The following CNTN5 variants were observed in gnomAD, a reference collection of about 807,000 sequenced individuals.
CNTN5 encodes the protein contactin 5.
In CNTN5, 77 loss-of-function variants were observed where a neutral mutation model predicts 129.1. The ratio of observed to expected loss-of-function variants is 0.60; its 90% CI spans 0.50 to 0.72. The LOEUF is 0.72. Ranked by LOEUF, CNTN5 falls within the 30% of genes least tolerant of loss-of-function variation. CNTN5 has a pLI of 0.00. For synonymous variants in CNTN5, 509 were observed against 465.6 expected (o/e 1.09, Z -1.20); for missense variants, 1,478 against 1,328.8 (o/e 1.11, Z -1.75).
chr11:99,164,687 T>A (rs1860792631), intron 1 of CNTN5, among the ~76,000 whole-genome samples: 1 of 152,202 alleles, frequency 6.6e-6, no homozygotes, highest in African/African-American at 2.4e-5. Context: ...TTTTCCCTGA[T>A]AATTTTATAA....
intron 8 of CNTN5, among the ~76,000 whole-genome samples, chr11:99,977,052 T>C (rs1938022392): frequency 6.6e-6 from 1 of 152,232 alleles, no homozygotes; most frequent in Non-Finnish European, 1.5e-5. Context: ...CTTTGCTGCA[T>C]AGAAATTTCT....
intron 1 of CNTN5, among the ~76,000 whole-genome samples, chr11:99,314,178 A>G (rs578002601): frequency 3.4e-4 from 51 of 152,184 alleles, no homozygotes; most frequent in African/African-American, 1.2e-3. Context: ...GTGGCATAAC[A>G]TAATATATAA....
chr11:99,479,184 A>G (rs887046087), intron 2 of CNTN5, among the ~76,000 whole-genome samples: 2 of 151,926 alleles, frequency 1.3e-5, no homozygotes, highest in Non-Finnish European at 2.9e-5. Context: ...TTTAAGAACT[A>G]TTTGTTTGTT....
At chr11:99,965,090 G>A (rs555662464) in intron 8 of CNTN5, among the ~76,000 whole-genome samples, 3 of 152,002 alleles carry the variant, frequency 2.0e-5, no homozygotes, top group Non-Finnish European at 2.9e-5. Flanking sequence ...TATTAATTTT[G>A]TTGATCTTTT....
intron 1 of CNTN5, among the ~76,000 whole-genome samples, chr11:99,114,607 C>T (rs1007454775): frequency 2.0e-5 from 3 of 151,874 alleles, no homozygotes; most frequent in Middle Eastern, 6.8e-3. Flanking sequence ...GAAAAAAATA[C>T]TCGAATTAAA....
chr11:99,727,323 A>AAAAAAAAAAAAAAAAAAAAAAAAAAAG (rs1943384235), intron 3 of CNTN5, among the ~76,000 whole-genome samples: 1 of 139,234 alleles, frequency 7.2e-6, no homozygotes, highest in Admixed American at 7.5e-5. Context: ...AAAAAAAAAA[A>AAAAAAAAAAAAAAAAAAAAAAAAAAAG]AAAAAAAAAA....
chr11:99,736,015 C>CT (rs149008392), intron 3 of CNTN5, among the ~76,000 whole-genome samples: 22,314 of 151,828 alleles, frequency 0.15, 1,684 homozygotes, highest in Middle Eastern at 0.18. Flanking sequence ...TTTTCTTTCT[C>CT]TTTTTTTTCT....
intron 7 of CNTN5, among the ~76,000 whole-genome samples, chr11:99,952,371 T>C (rs1322044205): frequency 2.0e-5 from 3 of 152,124 alleles, no homozygotes; most frequent in Non-Finnish European, 4.4e-5. Context: ...TCATAATGGA[T>C]GATGGAATTA....
chr11:99,736,055 C>CCT (rs936244909), intron 3 of CNTN5, among the ~76,000 whole-genome samples: 1 of 150,212 alleles, frequency 6.7e-6, no homozygotes, highest in African/African-American at 2.5e-5. Flanking sequence ...TTTCTCTGTC[C>CCT]CTCTCTCTCT....
intron 13 of CNTN5, among the ~76,000 whole-genome samples, chr11:100,084,416 G>A (rs539204072): frequency 1.4e-4 from 22 of 152,112 alleles, no homozygotes; most frequent in African/African-American, 4.6e-4. Context: ...AGCATTGTAC[G>A]GTCGAGATTT....
intron 8 of CNTN5, among the ~76,000 whole-genome samples, chr11:99,965,316 A>G (rs139109640): frequency 3.3e-5 from 5 of 151,832 alleles, no homozygotes; most frequent in African/African-American, 4.8e-5. Flanking sequence ...AAATTTCCCT[A>G]TACACACTGC....
At chr11:99,039,299 C>T (rs563487003) in intron 1 of CNTN5, among the ~76,000 whole-genome samples, 1 of 152,236 alleles carries the variant, frequency 6.6e-6, no homozygotes, top group South Asian at 2.1e-4. Context: ...CAGACTATTA[C>T]CTCTTTTATT....
intron 1 of CNTN5, among the ~76,000 whole-genome samples, chr11:99,094,191 A>G (rs1307911287): frequency 6.6e-6 from 1 of 151,988 alleles, no homozygotes; most frequent in East Asian, 1.9e-4. Flanking sequence ...TCATTCTCAC[A>G]AAAGTAACCA....
At chr11:99,455,132 T>C (rs931588486) in intron 2 of CNTN5, among the ~76,000 whole-genome samples, 6 of 152,212 alleles carry the variant, frequency 3.9e-5, no homozygotes, top group South Asian at 2.1e-4. Flanking sequence ...GAGAAGCAAA[T>C]GCAAATCCTC....
chr11:100,015,163 C>T (rs1193314979), intron 9 of CNTN5, among the ~76,000 whole-genome samples: 1 of 151,882 alleles, frequency 6.6e-6, no homozygotes, highest in Non-Finnish European at 1.5e-5. Context: ...ACGAATAAAC[C>T]AATATATTAA....
At chr11:99,869,849 T>A (rs1948456372) in intron 6 of CNTN5, among the ~76,000 whole-genome samples, 1 of 152,186 alleles carries the variant, frequency 6.6e-6, no homozygotes, top group African/African-American at 2.4e-5. Flanking sequence ...AGGTAACTCC[T>A]CCCTTAGGGA....
In CNTN5 at chr11:100,350,692, T is replaced by C. The variant is rs1952388845; in HGVS notation, c.3031-10T>C. 4 of 1,595,968 alleles carry C rather than the reference T, an allele frequency of 2.5e-6. No individual in the cohort carries two copies. The highest frequency in any genetic ancestry group is 3.4e-6 in the Non-Finnish European group (4 of 1,169,982). ...CATATCAAATGTCTAAACCTTGTTA[T>C]TACTCTCAGGTTTTTTATAGGCAAG... is the stretch of plus-strand genomic sequence containing the variant. On this transcript the variant is annotated splice_polypyrimidine_tract_variant and intron_variant, in intron 23 of 24. Transcript: ENST00000524871.
At chr11:99,867,989 C>T (rs11221704) in intron 6 of CNTN5, among the ~76,000 whole-genome samples, 33,889 of 151,898 alleles carry the variant, frequency 0.22, 3,885 homozygotes, top group South Asian at 0.27. Context: ...CTGAGTCAGG[C>T]GGATTACCTG....
chr11:99,424,752 G>A (rs546306527), intron 2 of CNTN5, among the ~76,000 whole-genome samples: 13 of 152,322 alleles, frequency 8.5e-5, no homozygotes, highest in South Asian at 2.1e-4. Flanking sequence ...TATTTTCATC[G>A]CCCACAACAT....
Sources: gnomAD v4.1 joint callset for allele counts (sites outside exome capture counted in the v4.1 genomes callset) on GRCh38, gnomAD v4.1.1 for gene constraint, MANE v1.5 for transcripts, NCBI Gene and HGNC (gene_info 2026-07-23, HGNC 2026-07-21) for gene names.